Variants in SIK3 observed in about 807,000 individuals in gnomAD.
SIK3 encodes the protein SIK family kinase 3.
A neutral mutation model predicts 144.2 loss-of-function variants in SIK3; 28 were observed. The ratio of observed to expected loss-of-function variants is 0.19; its 90% CI spans 0.14 to 0.27. The LOEUF (loss-of-function observed/expected upper bound fraction) is 0.27. SIK3 is among the 10% of genes least tolerant of loss of function. SIK3 has a pLI of 1.00. For synonymous variants in SIK3, 686 were observed against 676.3 expected (o/e 1.01, Z -0.22); for missense variants, 1,319 against 1,776.0 (o/e 0.74, Z 4.62).
chr11:116,959,017 A>G (rs953860721), intron 1 of SIK3, among the ~76,000 whole-genome samples: 3 of 152,212 alleles, frequency 2.0e-5, no homozygotes, highest in Non-Finnish European at 4.4e-5. Flanking sequence ...TTTCATAAAT[A>G]TAACAAGCTT....
At chr11:116,888,461 T>G (rs1464947191) in intron 6 of SIK3, among the ~76,000 whole-genome samples, 1 of 152,222 alleles carries the variant, frequency 6.6e-6, no homozygotes, top group East Asian at 1.9e-4. Context: ...CTAAACTTCC[T>G]TCACCTGACA....
intron 21 of SIK3, among the ~76,000 whole-genome samples, chr11:116,853,145 C>G (rs909487830): frequency 1.3e-5 from 2 of 152,184 alleles, no homozygotes; most frequent in Admixed American, 1.3e-4. Flanking sequence ...CTCGAAAAGA[C>G]AACACATGTG....
At chr11:117,088,836 C>A (rs950104550) in intron 1 of SIK3, among the ~76,000 whole-genome samples, 2 of 150,736 alleles carry the variant, frequency 1.3e-5, no homozygotes, top group African/African-American at 4.9e-5. Context: ...ACCACCACAC[C>A]CCTGGTTATT....
rs969022837 is a variant in SIK3, at chr11:116,926,014, C to A, written c.616+1205G>T. Among the ~76,000 whole-genome samples, 3 of 152,146 alleles carry A rather than the reference C, an allele frequency of 2.0e-5. No homozygotes were observed. In the East Asian group the frequency reaches 5.8e-4, roughly 29 times the overall value. ...GTAAAAGTGAACAGGCTTATCTACACAAAAGCAACTCTCAGAAGAATTGTG... is the reference window on the plus strand; with the variant it reads ...GTAAAAGTGAACAGGCTTATCTACAAAAAAGCAACTCTCAGAAGAATTGTG... On this transcript the variant is annotated intron_variant, in intron 4 of 24. Transcript: ENST00000445177.
chr11:116,870,209 C>G, intron 14 of SIK3, 122 bp downstream of exon 14: 3 of 1,552,240 alleles, frequency 1.9e-6, no homozygotes, highest in African/African-American at 1.4e-5. Context: ...CTGGCTTGAG[C>G]AAAGAGACCA....
chr11:116,906,509 C>T (rs1475852597), intron 4 of SIK3, among the ~76,000 whole-genome samples: 3 of 152,080 alleles, frequency 2.0e-5, no homozygotes, highest in Non-Finnish European at 4.4e-5. Flanking sequence ...CCCAGAGGTA[C>T]TTCCTATTCC....
intron 1 of SIK3, among the ~76,000 whole-genome samples, chr11:117,032,674 CTTT>C (rs11300316): frequency 7.9e-5 from 11 of 139,848 alleles, no homozygotes; most frequent in Admixed American, 1.4e-4. Flanking sequence ...CCCACCTTTT[CTTT>C]TTTTTTTTTT....
chr11:117,066,155 C>T (rs56751865), intron 1 of SIK3, among the ~76,000 whole-genome samples: 12,190 of 150,978 alleles, frequency 0.081, 621 homozygotes, highest in African/African-American at 0.13. Flanking sequence ...CTGCAACCTC[C>T]GCCTCCGGAT....
chr11:117,033,836 T>C (rs1952377316), intron 1 of SIK3, among the ~76,000 whole-genome samples: 1 of 151,664 alleles, frequency 6.6e-6, no homozygotes, highest in African/African-American at 2.4e-5. Context: ...TCAAGGCAAA[T>C]TATTAATTAG....
intron 1 of SIK3, among the ~76,000 whole-genome samples, chr11:116,972,269 A>G (rs770960532): frequency 6.6e-6 from 1 of 152,152 alleles, no homozygotes; most frequent in Non-Finnish European, 1.5e-5. Flanking sequence ...CAGACAGTCG[A>G]GCTCAAGAAC....
chr11:116,952,854 A>T (rs1948992469), intron 3 of SIK3, among the ~76,000 whole-genome samples: 1 of 152,258 alleles, frequency 6.6e-6, no homozygotes, highest in Non-Finnish European at 1.5e-5. Context: ...TACCTTCTTG[A>T]CAAACAATGC....
intron 1 of SIK3, 56 bp from the exon 2 acceptor site, chr11:116,957,120 G>A: frequency 2.3e-6 from 2 of 884,706 alleles, no homozygotes; most frequent in South Asian, 2.1e-5. Context: ...AGTTTACTAA[G>A]AAAAATTAGG....
intron 1 of SIK3, among the ~76,000 whole-genome samples, chr11:117,024,581 C>T (rs890458317): frequency 6.6e-6 from 1 of 152,064 alleles, no homozygotes; most frequent in Non-Finnish European, 1.5e-5. Context: ...CAATATTTTA[C>T]AAACTCACAG....
chr11:117,065,138 G>A (rs1013405529), intron 1 of SIK3, among the ~76,000 whole-genome samples: 3 of 151,156 alleles, frequency 2.0e-5, no homozygotes, highest in Non-Finnish European at 4.4e-5. Context: ...GACACAGGGA[G>A]ACTCCATCTC....
intron 6 of SIK3, among the ~76,000 whole-genome samples, chr11:116,890,135 C>G (rs1393945118): frequency 6.6e-6 from 1 of 152,126 alleles, no homozygotes; most frequent in African/African-American, 2.4e-5. Flanking sequence ...AAACCAAATG[C>G]TTATTATGGT....
chr11:117,048,911 A>G (rs753965447), intron 1 of SIK3, among the ~76,000 whole-genome samples: 15 of 151,884 alleles, frequency 9.9e-5, no homozygotes, highest in Non-Finnish European at 1.6e-4. Flanking sequence ...GACCACCCTG[A>G]CCAACATGGT....
intron 1 of SIK3, among the ~76,000 whole-genome samples, chr11:117,092,421 A>G (rs1955288943): frequency 6.6e-6 from 1 of 152,046 alleles, no homozygotes; most frequent in Non-Finnish European, 1.5e-5. Context: ...ATCATCTTGG[A>G]AAGAAAGGTC....
intron 4 of SIK3, among the ~76,000 whole-genome samples, chr11:116,902,024 A>G (rs1565430555): frequency 6.6e-6 from 1 of 152,220 alleles, no homozygotes. Context: ...TAGATTTGCA[A>G]AAAACCTTCA....
rs140340959 is a variant in SIK3, at chr11:117,074,569, A to G, written c.273+23574T>C. 5.7e-3 allele frequency among the ~76,000 whole-genome samples: 871 copies of G among 152,334 alleles called. 9 individuals carry two copies. The highest frequency in any genetic ancestry group is 0.02 in the African/African-American group (815 of 41,580). On this transcript the variant is annotated intron_variant, in intron 1 of 24. Coordinates refer to ENST00000445177, the MANE Select transcript of SIK3 (RefSeq NM_001366686.3). ...CTATTATGACAATATTTACTTGTCA[A>G]TATAAAACCCTAACATATTTTTTTA...
Sources: allele counts gnomAD v4.1 joint callset (sites outside exome capture counted in the v4.1 genomes callset), GRCh38; gene constraint gnomAD v4.1.1; transcripts MANE v1.5; gene names NCBI Gene and HGNC (gene_info 2026-07-23, HGNC 2026-07-21).